NRDE2: variants seen among roughly 807,000 people sequenced by gnomAD.
The protein encoded by NRDE2 is nuclear exosome regulator NRDE2.
Under a neutral mutation model 124.2 loss-of-function variants are expected in NRDE2, and 76 were observed. The observed-to-expected ratio is 0.61, with a 90% CI of 0.51 to 0.74. The LOEUF is 0.74. NRDE2 is among the 30% of genes least tolerant of loss of function. The probability of loss-of-function intolerance (pLI) is 0.00; values close to 1 mark genes in which losing one functional copy is unlikely to be tolerated. For missense variants in NRDE2, 1,314 were observed against 1,417.3 expected (o/e 0.93, Z 1.17); for synonymous variants, 489 against 528.1 (o/e 0.93, Z 1.01).
At chr14:90,287,114 G>C (rs1248340932) in intron 11 of NRDE2, among the ~76,000 whole-genome samples, 1 of 149,384 alleles carries the variant, frequency 6.7e-6, no homozygotes, top group Admixed American at 6.7e-5. Context: ...TACTTTACAG[G>C]AAGAAAAGAC....
rs748714522 is a variant in NRDE2, at chr14:90,278,377, G to A, written c.3454C>T (p.Arg1152Cys). ...DLMTEKELRV[R>C]LPLEELELLL... ...AGCTCCAGCTCCTCCAGCGGCAGGC[G>A]CACCCGGAGCTCCTTCTCAGTCATC... Residue 1152 changes from arginine to cysteine, a missense_variant, in exon 14 of 14, where the codon CGC (arginine) becomes TGC (cysteine). Physicochemically the swap from Arg to Cys is radical, Grantham distance 180. Transcript: ENST00000354366. 30 of 1,613,932 alleles carry A rather than the reference G, an allele frequency of 1.9e-5. No individual in the cohort carries two copies. The highest frequency in any genetic ancestry group is 2.7e-5 in the African/African-American group (2 of 74,912).
intron 1 of NRDE2, 75 bp downstream of exon 1, chr14:90,331,766 A>G (rs953856464): frequency 2.7e-6 from 4 of 1,494,418 alleles, no homozygotes; most frequent in African/African-American, 1.4e-5. Flanking sequence ...ATCCAAAGCA[A>G]AAGTCTAGAC....
intron 4 of NRDE2, 83 bp downstream of exon 4, chr14:90,312,311 G>A: frequency 7.7e-7 from 1 of 1,294,962 alleles, no homozygotes; most frequent in African/African-American, 1.5e-5. Context: ...AGAGAAACAG[G>A]CAGGCAGACA....
intron 11 of NRDE2, among the ~76,000 whole-genome samples, chr14:90,287,033 CAAAAAAAAAA>C (rs60863011): frequency 1.9e-3 from 45 of 23,818 alleles, no homozygotes; most frequent in East Asian, 5.6e-3. Context: ...GACTCCGTCT[CAAAAAAAAAA>C]AAAAAAAAAA....
At chr14:90,319,560 C>T (rs1329866075) in intron 1 of NRDE2, among the ~76,000 whole-genome samples, 1 of 152,126 alleles carries the variant, frequency 6.6e-6, no homozygotes, top group African/African-American at 2.4e-5. Context: ...CTAGATTTGC[C>T]TATTTTGGAC....
Position 90,270,525 on chromosome 14 carries a change from T to C in NRDE2, c.*7811A>G, listed in dbSNP as rs964156781. 2 of 677,402 alleles carry C rather than the reference T, an allele frequency of 3.0e-6. No homozygotes were observed. The highest frequency in any genetic ancestry group is 3.6e-5 in the African/African-American group (2 of 55,078). 42.0% of individuals were successfully genotyped at this position (677,402 alleles called of 1,614,324 possible). A position where few individuals can be genotyped will look rare whatever the true frequency, so the allele number is the denominator to read the frequency against. ...GTATATGTGCTTGATATTGAAGTCA[T>C]TCTTAATGCATCATTTTATGCAGTG... is the stretch of plus-strand genomic sequence containing the variant. On this transcript the variant is annotated 3_prime_UTR_variant, in exon 14 of 14. Transcript: ENST00000354366.
At position 90,269,549 on chromosome 14, in the gene NRDE2, G is replaced by C; in HGVS notation, c.*8787C>G. 1 of 1,612,562 alleles carries C rather than the reference G, an allele frequency of 6.2e-7. No homozygotes were observed. Among genetic ancestry groups the C allele is most frequent in the Non-Finnish European group, 8.5e-7 (1 of 1,179,384 alleles). On this transcript the variant is annotated 3_prime_UTR_variant, in exon 14 of 14. Transcript: ENST00000354366. ...TTGGATCCAGCACTTATCAGACCAG[G>C]TTAAATTTGCTTTGGTTTCATCATG...
chr14:90,301,110 T>A (rs1057059793), intron 7 of NRDE2, 129 bp downstream of exon 7: 1 of 861,376 alleles, frequency 1.2e-6, no homozygotes, highest in East Asian at 2.5e-5. Flanking sequence ...TAAAGGAGGA[T>A]ATGATATTTT....
In NRDE2 at chr14:90,303,991, T is replaced by C. The variant is rs766469575; in HGVS notation, c.949A>G (p.Arg317Gly). 9.3e-6 allele frequency: 15 copies of C among 1,613,820 alleles called. No individual in the cohort carries two copies. Among genetic ancestry groups the C allele is most frequent in the Admixed American group, 6.7e-5 (4 of 60,004 alleles). ...LKAKVEEFNR[R>G]VRENPRDTQL... ...GTATCCCGAGGATTCTCCCGCACCC[T>C]CCTGTTAAACTCCTCCACCTTGGCC... Residue 317 changes from arginine (R) to glycine (G), a missense_variant, in exon 5 of 14, where the codon AGG (arginine) becomes GGG (glycine). By Grantham distance (125) the Arg-to-Gly change is moderately radical (BLOSUM62 -2). Transcript: ENST00000354366.
intron 12 of NRDE2, chr14:90,279,975 C>G (rs1457596304): frequency 1.3e-5 from 2 of 152,434 alleles, no homozygotes; most frequent in Non-Finnish European, 2.9e-5. Flanking sequence ...GCACAGCATC[C>G]AGCCCGGGAC....
At chr14:90,283,893 A>G (rs2139668314) in intron 12 of NRDE2, among the ~76,000 whole-genome samples, 1 of 152,020 alleles carries the variant, frequency 6.6e-6, no homozygotes, top group South Asian at 2.1e-4. Context: ...TTGTATTTTT[A>G]GTAGAGATGG....
chr14:90,274,787 TAC>T lies in NRDE2; in HGVS notation c.*3547_*3548del, dbSNP rs144111170. ...CAGTATAGCCCTTTAAATAGGGAAC[TAC>T]ACACACACACACACACACACACACA... On this transcript the variant is annotated 3_prime_UTR_variant, in exon 14 of 14. Transcript: ENST00000354366. The T allele has an allele frequency of 0.043, 4,767 of 110,738 alleles. 93 individuals carry two copies. The highest frequency in any genetic ancestry group is 0.056 in the Non-Finnish European group (2,903 of 51,906). 6.9% of individuals were successfully genotyped at this position (110,738 alleles called of 1,614,324 possible). A position where few individuals can be genotyped will look rare whatever the true frequency, so the allele number is the denominator to read the frequency against.
In NRDE2 at chr14:90,272,461, G is replaced by A; in HGVS notation, c.*5875C>T. The A allele has an allele frequency of 7.1e-7, 1 of 1,409,272 alleles. No homozygotes were observed. The highest frequency in any genetic ancestry group is 9.6e-7 in the Non-Finnish European group (1 of 1,040,072). 87.3% of individuals were successfully genotyped at this position (1,409,272 alleles called of 1,614,324 possible). ...TTGGGAGATTTCTCAATCCCTGAAA[G>A]GGATGAGGTTGGGGGAGTTGCCCAG... On this transcript the variant is annotated 3_prime_UTR_variant, in exon 14 of 14. Transcript: ENST00000354366. This position sits in a 1 kb window ranked among gnomAD's most constrained non-coding sequence, Gnocchi z 4.5.
In NRDE2 at chr14:90,292,852, C is replaced by T. The variant is rs1892310105; in HGVS notation, c.1687G>A (p.Glu563Lys). The T allele has an allele frequency of 6.2e-7, 1 of 1,614,052 alleles. No homozygotes were observed. The highest frequency in any genetic ancestry group is 8.5e-7 in the Non-Finnish European group (1 of 1,179,908). The change falls in exon 9 of 14, where the codon GAA becomes AAA. Residue 563 changes from glutamate to lysine, a missense_variant. Transcript: ENST00000354366. ...TCTTTTATTTCCTGGTCATCCTCTT[C>T]TGGTTCATCGTCATCCTCATCTAGA... The part of the protein sequence containing the change: ...INPDEDDDEP[E>K]EDDQEIKDKT...
In NRDE2 at chr14:90,272,569, C is replaced by T. The variant is rs913274500; in HGVS notation, c.*5767G>A. The T allele has an allele frequency of 3.0e-5, 17 of 571,680 alleles. No homozygotes were observed. Among genetic ancestry groups the T allele is most frequent in the Admixed American group, 7.2e-5 (2 of 27,668 alleles). The allele number at this position is 571,680 out of a possible 1,614,324, so 35.4% of individuals were successfully genotyped here. ...CGATGTGTAAGTGCCCATTGGGTGG[C>T]CTGTTGGTCACTGTGCAGCAGTCTG... is the stretch of plus-strand genomic sequence containing the variant. On this transcript the variant is annotated 3_prime_UTR_variant, in exon 14 of 14. Coordinates refer to ENST00000354366, the MANE Select transcript of NRDE2 (RefSeq NM_017970.4). The surrounding 1 kb of genome is among the most constrained non-coding windows in gnomAD (Gnocchi z 4.5).
chr14:90,320,454 C>T (rs536796126), intron 1 of NRDE2, among the ~76,000 whole-genome samples: 1 of 152,350 alleles, frequency 6.6e-6, no homozygotes, highest in East Asian at 1.9e-4. Context: ...AATCACCTCC[C>T]ACCAGTTCCT....
chr14:90,288,958 G>A lies in NRDE2; in HGVS notation c.2417C>T (p.Ala806Val). 6.2e-7 allele frequency: 1 copy of A among 1,612,344 alleles called. No individual in the cohort carries two copies. Among genetic ancestry groups the A allele is most frequent in the South Asian group, 1.1e-5 (1 of 91,070 alleles). The change falls in exon 11 of 14, where the codon GCA becomes GTA. Residue 806 changes from alanine (A) to valine (V), a missense_variant. Ala to Val is a moderately conservative substitution (Grantham distance 64). Transcript: ENST00000354366. ...TTCTCTGCTTCCTGCCATGCCAAGT[G>A]CTGTGTCAAAAACTTTTCTGGCATC... Reference protein sequence around the residue: ...TEDARKVFDTALGMAGSRELK... With the variant: ...TEDARKVFDTVLGMAGSRELK...
At chr14:90,301,085 C>T (rs1454029420) in intron 7 of NRDE2, among the ~76,000 whole-genome samples, 154 bp downstream of exon 7, 1 of 151,602 alleles carries the variant, frequency 6.6e-6, no homozygotes, top group African/African-American at 2.4e-5. Context: ...AGAATTCCTC[C>T]TCAGCAGACT....
At chr14:90,330,383 T>C (rs1238660541) in intron 1 of NRDE2, among the ~76,000 whole-genome samples, 4 of 152,278 alleles carry the variant, frequency 2.6e-5, no homozygotes, top group East Asian at 1.9e-4. Context: ...AAAATATTTA[T>C]TGAACACCTA....
Sources: allele counts gnomAD v4.1 joint callset (sites outside exome capture counted in the v4.1 genomes callset), GRCh38; gene constraint gnomAD v4.1.1; non-coding constraint Gnocchi (gnomAD v3.1); transcripts MANE v1.5; gene names NCBI Gene and HGNC (gene_info 2026-07-23, HGNC 2026-07-21).